SLC9A9: variants seen among roughly 807,000 people sequenced by gnomAD.
SLC9A9 encodes the protein solute carrier family 9 member A9.
In SLC9A9, 62 loss-of-function variants were observed where a neutral mutation model predicts 77.8. That is an observed-to-expected ratio of 0.80 (90% CI 0.65 to 0.98). SLC9A9 has a LOEUF of 0.98. SLC9A9 is among the 50% of genes least tolerant of loss of function. The pLI is 0.00. For missense variants in SLC9A9, 775 were observed against 774.9 expected (o/e 1.00, Z 0.00); for synonymous variants, 320 against 283.5 (o/e 1.13, Z -1.29).
chr3:143,752,773 T>G (rs1046607839), intron 4 of SLC9A9, among the ~76,000 whole-genome samples: 1 of 151,922 alleles, frequency 6.6e-6, no homozygotes, highest in East Asian at 1.9e-4. Flanking sequence ...GGTAGAACAT[T>G]GTTAAAATGG....
chr3:143,267,698 T>C (rs1937772481), intron 15 of SLC9A9, among the ~76,000 whole-genome samples: 1 of 152,208 alleles, frequency 6.6e-6, no homozygotes, highest in African/African-American at 2.4e-5. Context: ...AGCATATTTC[T>C]TGGGAAGAGT....
intron 14 of SLC9A9, among the ~76,000 whole-genome samples, chr3:143,310,180 T>C (rs1995356): frequency 0.22 from 33,988 of 152,126 alleles, 4,203 homozygotes; most frequent in Middle Eastern, 0.33. Flanking sequence ...AAAGGATTTT[T>C]TGGGGCTCCC....
intron 4 of SLC9A9, among the ~76,000 whole-genome samples, chr3:143,777,281 G>A (rs1324703006): frequency 6.6e-6 from 1 of 152,166 alleles, no homozygotes; most frequent in Non-Finnish European, 1.5e-5. Flanking sequence ...AAGACAGGAG[G>A]AATGGAGGTA....
intron 8 of SLC9A9, among the ~76,000 whole-genome samples, chr3:143,557,336 T>C (rs1193786377): frequency 6.6e-6 from 1 of 152,160 alleles, no homozygotes; most frequent in Non-Finnish European, 1.5e-5. Context: ...TATTTCTTCA[T>C]AGCAATGTGA....
intron 6 of SLC9A9, among the ~76,000 whole-genome samples, chr3:143,598,156 A>T (rs2037789619): frequency 6.6e-6 from 1 of 151,914 alleles, no homozygotes. Flanking sequence ...AGTATAAGGG[A>T]CACATTATTC....
intron 2 of SLC9A9, among the ~76,000 whole-genome samples, chr3:143,818,014 T>C (rs375830916): frequency 6.6e-6 from 1 of 152,140 alleles, no homozygotes; most frequent in East Asian, 1.9e-4. Context: ...TTAGAGACCA[T>C]CTGATTTAAG....
chr3:143,345,684 G>T (rs913728224), intron 14 of SLC9A9, among the ~76,000 whole-genome samples: 2 of 152,198 alleles, frequency 1.3e-5, no homozygotes, highest in African/African-American at 4.8e-5. Flanking sequence ...AAGGGAACCA[G>T]TCTCTGCAGG....
intron 6 of SLC9A9, among the ~76,000 whole-genome samples, chr3:143,597,764 T>G (rs898316174): frequency 1.8e-4 from 27 of 152,214 alleles, no homozygotes; most frequent in Non-Finnish European, 3.7e-4. Flanking sequence ...TATTTTACAC[T>G]TACTGGCAGG....
At chr3:143,627,576 T>C in intron 6 of SLC9A9, 1 of 325,214 alleles carries the variant, frequency 3.1e-6, no homozygotes, top group South Asian at 3.5e-5. Flanking sequence ...GCGGTGGTTC[T>C]TTTCTGGCAG....
chr3:143,348,189 A>G (rs925481740), intron 14 of SLC9A9, among the ~76,000 whole-genome samples: 2 of 152,076 alleles, frequency 1.3e-5, no homozygotes, highest in East Asian at 1.9e-4. Flanking sequence ...TAGTAGAGAC[A>G]GGGTTTCACC....
intron 9 of SLC9A9, among the ~76,000 whole-genome samples, chr3:143,508,607 T>C (rs1022970011): frequency 3.9e-5 from 6 of 152,228 alleles, no homozygotes; most frequent in African/African-American, 1.4e-4. Flanking sequence ...ACTTTCTGAA[T>C]TCGGTAGTTT....
chr3:143,674,391 C>T (rs1476113066), intron 5 of SLC9A9, among the ~76,000 whole-genome samples: 3 of 152,120 alleles, frequency 2.0e-5, no homozygotes, highest in Non-Finnish European at 4.4e-5. Context: ...GTGGAAGGCT[C>T]CTCTTGGGAT....
intron 6 of SLC9A9, among the ~76,000 whole-genome samples, chr3:143,581,478 C>T (rs796890822): frequency 1.9e-4 from 29 of 152,168 alleles, no homozygotes; most frequent in African/African-American, 7.0e-4. Context: ...CTCTCTCCTT[C>T]CTTCCTTCCT....
At chr3:143,628,742 T>G (rs1477580838) in intron 6 of SLC9A9, among the ~76,000 whole-genome samples, 4 of 152,170 alleles carry the variant, frequency 2.6e-5, no homozygotes, top group Non-Finnish European at 5.9e-5. Flanking sequence ...GGCCTAAACT[T>G]TGGTGGTATC....
intron 12 of SLC9A9, among the ~76,000 whole-genome samples, chr3:143,399,119 A>G (rs2033794529): frequency 6.6e-6 from 1 of 152,156 alleles, no homozygotes. Flanking sequence ...AATCAAGTCA[A>G]AAATACGTCT....
chr3:143,423,119 T>C (rs563139210), intron 12 of SLC9A9, among the ~76,000 whole-genome samples: 3 of 152,088 alleles, frequency 2.0e-5, no homozygotes, highest in Non-Finnish European at 4.4e-5. Context: ...ATGAACCCTG[T>C]GGTATTGAAC....
chr3:143,684,962 G>A (rs1034612477), intron 5 of SLC9A9, among the ~76,000 whole-genome samples: 2 of 151,936 alleles, frequency 1.3e-5, no homozygotes, highest in African/African-American at 2.4e-5. Flanking sequence ...AATTAATACT[G>A]TATTTGTATT....
intron 4 of SLC9A9, among the ~76,000 whole-genome samples, chr3:143,752,296 C>T (rs369520748): frequency 3.3e-4 from 50 of 152,286 alleles, no homozygotes; most frequent in Admixed American, 1.0e-3. Context: ...AAACATCTGG[C>T]CCCCATTCCA....
intron 6 of SLC9A9, among the ~76,000 whole-genome samples, chr3:143,638,198 A>G (rs912627227): frequency 5.9e-5 from 9 of 152,234 alleles, no homozygotes; most frequent in African/African-American, 2.2e-4. Context: ...CATTAGGGTA[A>G]GAATTTAATT....
Sources: gnomAD v4.1 joint callset for allele counts (sites outside exome capture counted in the v4.1 genomes callset) on GRCh38, gnomAD v4.1.1 for gene constraint, MANE v1.5 for transcripts, NCBI Gene and HGNC (gene_info 2026-07-23, HGNC 2026-07-21) for gene names.